ALPK2: variants seen among roughly 807,000 people sequenced by gnomAD.
ALPK2 encodes alpha-protein kinase 2.
ALPK2 carries 127 observed loss-of-function variants against 163.1 expected under a neutral mutation model. The ratio of observed to expected loss-of-function variants is 0.78; its 90% confidence interval spans 0.67 to 0.90. The LOEUF is 0.90. Among genes scored for constraint, ALPK2 ranks in the 40% least tolerant of loss-of-function variants. The pLI is 0.00. For synonymous variants in ALPK2, 953 were observed against 959.1 expected (o/e 0.99, Z 0.12); for missense variants, 2,360 against 2,589.6 (o/e 0.91, Z 1.92).
At chr18:58,488,206 C>A (rs2051350387) in intron 12 of ALPK2, among the ~76,000 whole-genome samples, 1 of 152,092 alleles carries the variant, frequency 6.6e-6, no homozygotes, top group African/African-American at 2.4e-5. Context: ...GGCAAACAAT[C>A]TAATAAAGTC....
Position 58,525,967 on chromosome 18 carries a change from G to GAAAAAAAAAAAA in ALPK2, c.5502-1917_5502-1906dup, listed in dbSNP as rs10653750. On this transcript the variant is annotated intron_variant, in intron 6 of 12. Coordinates refer to ENST00000361673, the MANE Select transcript of ALPK2 (RefSeq NM_052947.4). ...TACTGGGGGATTCAATGATGAAAAA[G>GAAAAAAAAAAAA]AAAAAAAAAAAAAAAAAAAGGCACA... 7.6e-5 allele frequency among the ~76,000 whole-genome samples: 9 copies of GAAAAAAAAAAAA among 117,662 alleles called. 3 individuals carry two copies. The highest frequency in any genetic ancestry group is 6.7e-5 in the Non-Finnish European group (4 of 59,586). 77.2% of individuals were successfully genotyped at this position (117,662 alleles called of 152,430 possible).
chr18:58,510,293 T>C (rs1312364041), intron 10 of ALPK2, among the ~76,000 whole-genome samples: 4 of 152,244 alleles, frequency 2.6e-5, no homozygotes, highest in African/African-American at 4.8e-5. Context: ...TGTAGCCTTG[T>C]AGTATTGTTT....
rs1207909200 is a variant in ALPK2 at position 58,504,130 on chromosome 18, A to G, written c.6048T>C (p.Leu2016=). The change falls in exon 11 of 13, where the codon CTT becomes CTC. Residue 2016 remains leucine (L), a synonymous_variant. Transcript: ENST00000361673. ...GGATATTGTTCTCAGGCCGATGGAT[A>G]AGAAAAATAGGAATGATCCTGGCAG... ...GEVPEIIPIF[L]IHRPENNIPY... 6.2e-7 allele frequency: 1 copy of G among 1,614,128 alleles called. No homozygotes were observed. The highest frequency in any genetic ancestry group is 2.2e-5 in the East Asian group (1 of 44,894).
chr18:58,524,951 C>A (rs1165336631), intron 6 of ALPK2, among the ~76,000 whole-genome samples: 118 of 105,964 alleles, frequency 1.1e-3, no homozygotes, highest in South Asian at 2.2e-3. Flanking sequence ...TACTCTACAG[C>A]AAAAAAAAAA....
chr18:58,578,679 C>T (rs577119622), intron 4 of ALPK2, 135 bp downstream of exon 4: 1 of 846,840 alleles, frequency 1.2e-6, no homozygotes, highest in Non-Finnish European at 1.8e-6. Flanking sequence ...TGTTGGGAAA[C>T]TTATTTTGAT....
chr18:58,593,832 C>G (rs1177548692), intron 3 of ALPK2, among the ~76,000 whole-genome samples: 1 of 151,420 alleles, frequency 6.6e-6, no homozygotes, highest in African/African-American at 2.4e-5. Context: ...GAGCCGAGAT[C>G]GCACCATTGC....
At chr18:58,493,383 G>A (rs147888753) in intron 12 of ALPK2, among the ~76,000 whole-genome samples, 7 of 152,214 alleles carry the variant, frequency 4.6e-5, no homozygotes, top group South Asian at 2.1e-4. Flanking sequence ...TTCTCGGGGC[G>A]TGTTTCTTCG....
At position 58,535,726 on chromosome 18, in the gene ALPK2, T is replaced by A; in HGVS notation, c.4461A>T (p.Ala1487=). The A allele has an allele frequency of 6.2e-7, 1 of 1,614,252 alleles. No individual in the cohort carries two copies. Among genetic ancestry groups the A allele is most frequent in the Non-Finnish European group, 8.5e-7 (1 of 1,180,032 alleles). ...QEAEQIQPEE[A]KTAIWQVLQP... ...GCAGGACTTGCCAAATGGCAGTTTT[T>A]GCCTCCTCAGGTTGAATTTGTTCAG... The change falls in exon 5 of 13, where the codon GCA becomes GCT. Residue 1487 remains alanine, a synonymous_variant. Coordinates refer to ENST00000361673, the MANE Select transcript of ALPK2 (RefSeq NM_052947.4).
intron 1 of ALPK2, among the ~76,000 whole-genome samples, chr18:58,624,538 TC>T (rs2052219362): frequency 6.6e-6 from 1 of 151,844 alleles, no homozygotes; most frequent in African/African-American, 2.4e-5. Context: ...CACTGCAACC[TC>T]TGCCTCCCGG....
intron 10 of ALPK2, among the ~76,000 whole-genome samples, chr18:58,509,805 T>C (rs1423236314): frequency 1.3e-5 from 2 of 151,446 alleles, no homozygotes; most frequent in African/African-American, 2.4e-5. Context: ...GATGAGTAGA[T>C]TGCAAAAATT....
chr18:58,498,013 T>A (rs2051409829), intron 12 of ALPK2, 36 bp downstream of exon 12: 1 of 1,606,462 alleles, frequency 6.2e-7, no homozygotes, highest in African/African-American at 1.3e-5. Context: ...GTAAGCCCAG[T>A]GTTAATTGAT....
At chr18:58,606,017 G>C (rs1405799938) in intron 3 of ALPK2, among the ~76,000 whole-genome samples, 1 of 152,236 alleles carries the variant, frequency 6.6e-6, no homozygotes, top group Admixed American at 6.5e-5. Flanking sequence ...GGCTAGATAT[G>C]CTGTAAGTCA....
chr18:58,504,144 T>G lies in ALPK2; in HGVS notation c.6034A>C (p.Ile2012Leu), dbSNP rs1432045403. 6.2e-7 allele frequency: 1 copy of G among 1,613,758 alleles called. No homozygotes were observed. ...GGCCGATGGATAAGAAAAATAGGAA[T>G]GATCCTGGCAGGGAAGAGAACACAG... Reference protein sequence around the residue: ...LEGFGEVPEIIPIFLIHRPEN... With the variant: ...LEGFGEVPEILPIFLIHRPEN... The change falls in exon 11 of 13, where the codon ATT (isoleucine) becomes CTT (leucine). Residue 2012 changes from isoleucine to leucine, a missense_variant. By Grantham distance (5) the Ile-to-Leu change is conservative (BLOSUM62 2). Transcript: ENST00000361673.
Position 58,611,728 on chromosome 18 carries a change from G to A in ALPK2, c.70C>T (p.Pro24Ser), listed in dbSNP as rs1250842525. 7.4e-6 allele frequency: 12 copies of A among 1,612,882 alleles called. No homozygotes were observed. The highest frequency in any genetic ancestry group is 1.3e-5 in the African/African-American group (1 of 74,782). Residue 24 changes from proline to serine, a missense_variant, in exon 2 of 13, where the codon CCT (proline) becomes TCT (serine). Pro to Ser is a moderately conservative substitution (Grantham distance 74, BLOSUM62 -1). Transcript: ENST00000361673. ...FLSTLLSQKV[P>S]EKSDAVLRCI... ...CGAAGCACAGCGTCTGACTTCTCAG[G>A]AACCTTCTGGGAAAGCAATGTAGAT...
chr18:58,528,897 A>C, intron 6 of ALPK2, 194 bp downstream of exon 6: 1 of 672,236 alleles, frequency 1.5e-6, no homozygotes, highest in Non-Finnish European at 2.4e-6. Context: ...AAACCTGGGC[A>C]AGAATCCTCC....
chr18:58,484,699 G>A (rs143196325), intron 12 of ALPK2, among the ~76,000 whole-genome samples: 98 of 152,192 alleles, frequency 6.4e-4, no homozygotes, highest in African/African-American at 2.0e-3. Flanking sequence ...AGACGAGATC[G>A]CGCCACTGCA....
chr18:58,481,747 T>A lies in ALPK2; in HGVS notation c.*76A>T. On this transcript the variant is annotated 3_prime_UTR_variant, in exon 13 of 13. Transcript: ENST00000361673. ...CGCACTCTCTGCAGGCTGTATATTC[T>A]CTCCTGTGTGGCCTCAGATTTTCCC... is the stretch of plus-strand genomic sequence containing the variant. 1.6e-6 allele frequency: 2 copies of A among 1,227,398 alleles called. No homozygotes were observed. Among genetic ancestry groups the A allele is most frequent in the Admixed American group, 3.6e-5 (2 of 56,078 alleles). The allele number at this position is 1,227,398 out of a possible 1,614,324, so 76.0% of individuals were successfully genotyped here.
chr18:58,537,873 CA>C lies in ALPK2; in HGVS notation c.2313del (p.Val772TrpfsTer48). 1.2e-6 allele frequency: 2 copies of C among 1,614,170 alleles called. No individual in the cohort carries two copies. The highest frequency in any genetic ancestry group is 1.7e-6 in the Non-Finnish European group (2 of 1,180,008). On this transcript the variant is annotated frameshift_variant, in exon 5 of 13. Transcript: ENST00000361673. LOFTEE classifies it high-confidence loss of function. Reference protein sequence around the residue: ...PKDARADFREPVAVSVASPEP... With the variant: ...PKDARADFREXVAVSVASPEP... ...TCAGGGGAAGCAACAGAGACAGCCA[CA>C]GGCTCCCTGAAGTCAGCACGAGCAT...
intron 1 of ALPK2, among the ~76,000 whole-genome samples, chr18:58,619,215 G>A (rs1221324361): frequency 6.6e-6 from 1 of 152,188 alleles, no homozygotes; most frequent in African/African-American, 2.4e-5. Context: ...CCCCAAGGCT[G>A]GGCACTTCAC....
Sources: allele counts gnomAD v4.1 joint callset (sites outside exome capture counted in the v4.1 genomes callset), GRCh38; gene constraint gnomAD v4.1.1; transcripts MANE v1.5; gene names NCBI Gene and HGNC (gene_info 2026-07-23, HGNC 2026-07-21).